The following DNAH11 variants were observed in gnomAD, a reference collection of about 807,000 sequenced individuals.
The protein encoded by DNAH11 is dynein axonemal heavy chain 11, also known as axonemal beta dynein heavy chain 11.
In DNAH11, 442 loss-of-function variants were observed where a neutral mutation model predicts 526.0. The observed-to-expected ratio is 0.84, with a 90% CI of 0.78 to 0.91. The LOEUF is 0.91. Ranked by LOEUF, DNAH11 falls within the 40% of genes least tolerant of loss-of-function variation. DNAH11 has a pLI of 0.00. For missense variants in DNAH11, 6,989 were observed against 5,448.7 expected (o/e 1.28, Z -8.90); for synonymous variants, 2,461 against 1,935.9 (o/e 1.27, Z -7.12).
intron 70 of DNAH11, 116 bp from the exon 71 acceptor site, chr7:21,866,354 G>T: frequency 3.4e-6 from 3 of 885,872 alleles, no homozygotes; most frequent in Non-Finnish European, 4.9e-6. Flanking sequence ...GAAGAGGAGA[G>T]TGAATACTAT....
chr7:21,717,708 T>C, intron 42 of DNAH11, 67 bp from the exon 43 acceptor site: 1 of 1,589,958 alleles, frequency 6.3e-7, no homozygotes, highest in Non-Finnish European at 8.6e-7. Context: ...GAGGAAGCTT[T>C]TGACTTGGTG....
chr7:21,612,554 C>CAAAA lies in DNAH11; in HGVS notation c.3853-2541_3853-2538dup, dbSNP rs34356379. Among the ~76,000 whole-genome samples the CAAAA allele has an allele frequency of 4.7e-4, 38 of 81,230 alleles. 2 individuals carry two copies. The highest frequency in any genetic ancestry group is 3.5e-3 in the East Asian group (12 of 3,428). 53.3% of individuals were successfully genotyped at this position (81,230 alleles called of 152,430 possible). A position where few individuals can be genotyped will look rare whatever the true frequency, so the allele number is the denominator to read the frequency against. ...TGGGCGACAGAGTGAGGCTCCGTCT[C>CAAAA]AAAAAAAAAAAAAAAAAAAAAAGAG... On this transcript the variant is annotated intron_variant, in intron 20 of 81. Transcript: ENST00000409508.
intron 30 of DNAH11, among the ~76,000 whole-genome samples, chr7:21,675,301 GT>G (rs1782829491): frequency 6.6e-6 from 1 of 152,142 alleles, no homozygotes; most frequent in African/African-American, 2.4e-5. Flanking sequence ...ACCTCTTTCA[GT>G]TTTTCCACAG....
At chr7:21,638,874 G>C (rs1274316441) in intron 27 of DNAH11, 65 bp from the exon 28 acceptor site, 2 of 1,542,066 alleles carry the variant, frequency 1.3e-6, no homozygotes, top group Non-Finnish European at 1.7e-6. Context: ...CTTGAGTTTT[G>C]TTTTGCCGAA....
Position 21,854,319 on chromosome 7 carries a change from T to C in DNAH11, c.11066T>C (p.Ile3689Thr), listed in dbSNP as rs762812195. The C allele has an allele frequency of 6.2e-7, 1 of 1,613,714 alleles. No individual in the cohort carries two copies. The highest frequency in any genetic ancestry group is 8.5e-7 in the Non-Finnish European group (1 of 1,179,790). The change falls in exon 68 of 82, where the codon ATT (isoleucine) becomes ACT (threonine). Residue 3689 changes from isoleucine (I) to threonine (T), a missense_variant. Transcript: ENST00000409508. ...TTVAEIEHKV[I>T]EAKENERKIN... ...TTTTGTTTGATCCCACCATAGGTGA[T>C]TGAAGCCAAAGAAAATGAAAGAAAA...
intron 2 of DNAH11, among the ~76,000 whole-genome samples, chr7:21,557,677 C>T (rs1783274159): frequency 6.6e-6 from 1 of 152,174 alleles, no homozygotes; most frequent in African/African-American, 2.4e-5. Context: ...CACCATAACA[C>T]CTGCCTTGCC....
At chr7:21,639,535 C>A (rs557940495) in intron 28 of DNAH11, among the ~76,000 whole-genome samples, 1 of 152,300 alleles carries the variant, frequency 6.6e-6, no homozygotes, top group African/African-American at 2.4e-5. Context: ...TCAGGATCAT[C>A]CCGAATTAAC....
intron 30 of DNAH11, among the ~76,000 whole-genome samples, chr7:21,662,235 T>C (rs1420459115): frequency 6.6e-6 from 1 of 152,190 alleles, no homozygotes; most frequent in African/African-American, 2.4e-5. Context: ...ACACAACTTA[T>C]TTAATACATT....
intron 6 of DNAH11, among the ~76,000 whole-genome samples, chr7:21,566,896 T>C (rs1783692977): frequency 6.6e-6 from 1 of 152,220 alleles, no homozygotes. Context: ...GCATACAATT[T>C]TGTACTAACT....
chr7:21,748,823 T>C (rs542681870), intron 52 of DNAH11, 81 bp downstream of exon 52: 1 of 1,425,996 alleles, frequency 7.0e-7, no homozygotes. Flanking sequence ...CCGTGTGGGC[T>C]GTGACTCCCA....
At chr7:21,567,214 T>C (rs1221769961) in intron 6 of DNAH11, among the ~76,000 whole-genome samples, 1 of 152,236 alleles carries the variant, frequency 6.6e-6, no homozygotes, top group Non-Finnish European at 1.5e-5. Context: ...GGTCATTTAT[T>C]GGGTATCTAG....
At chr7:21,745,132 T>A in intron 51 of DNAH11, 69 bp downstream of exon 51, 1 of 1,472,586 alleles carries the variant, frequency 6.8e-7, no homozygotes, top group South Asian at 1.2e-5. Flanking sequence ...CTGTCATTTT[T>A]CAATAGATCA....
At chr7:21,789,507 T>C (rs528669001) in intron 61 of DNAH11, among the ~76,000 whole-genome samples, 165 bp downstream of exon 61, 3 of 152,276 alleles carry the variant, frequency 2.0e-5, no homozygotes, top group East Asian at 1.9e-4. Flanking sequence ...GTATTTCTTA[T>C]CTGCTCTGTG....
chr7:21,883,977 A>G (rs1419972984), intron 75 of DNAH11, among the ~76,000 whole-genome samples: 3 of 152,212 alleles, frequency 2.0e-5, no homozygotes, highest in Admixed American at 1.3e-4. Context: ...CCAGAATTCA[A>G]GGTTGCAATG....
chr7:21,614,213 C>T (rs186196561), intron 20 of DNAH11, among the ~76,000 whole-genome samples: 12 of 152,182 alleles, frequency 7.9e-5, no homozygotes, highest in African/African-American at 2.4e-4. Context: ...TAAAGTAATA[C>T]AATTGTTGGA....
chr7:21,836,520 G>C (rs1309325170), intron 65 of DNAH11, among the ~76,000 whole-genome samples: 3 of 152,106 alleles, frequency 2.0e-5, no homozygotes, highest in Non-Finnish European at 4.4e-5. Context: ...AATAAATGGT[G>C]CTGGAAAAAT....
intron 32 of DNAH11, among the ~76,000 whole-genome samples, chr7:21,684,613 G>A (rs560418539): frequency 6.6e-6 from 1 of 152,312 alleles, no homozygotes; most frequent in East Asian, 1.9e-4. Context: ...CAGAGATCCT[G>A]GGGCAGAAAG....
chr7:21,860,915 A>C (rs1432387131), intron 68 of DNAH11, among the ~76,000 whole-genome samples: 1 of 152,192 alleles, frequency 6.6e-6, no homozygotes, highest in Non-Finnish European at 1.5e-5. Flanking sequence ...ATTTCCCCTC[A>C]TAAAACCATC....
intron 65 of DNAH11, among the ~76,000 whole-genome samples, chr7:21,822,434 A>G (rs1790095741): frequency 6.6e-6 from 1 of 152,150 alleles, no homozygotes; most frequent in Non-Finnish European, 1.5e-5. Context: ...CCATGACCCA[A>G]ACATTTCCCA....
Sources: allele counts gnomAD v4.1 joint callset (sites outside exome capture counted in the v4.1 genomes callset), GRCh38; gene constraint gnomAD v4.1.1; transcripts MANE v1.5; gene names NCBI Gene and HGNC (gene_info 2026-07-23, HGNC 2026-07-21).